TMEM131: variants seen among roughly 807,000 people sequenced by gnomAD.
TMEM131 encodes transmembrane protein 131.
In TMEM131, 66 loss-of-function variants were observed where a neutral mutation model predicts 211.6. The ratio of observed to expected loss-of-function variants is 0.31; its 90% CI spans 0.26 to 0.38. TMEM131 has a LOEUF of 0.38. TMEM131 is among the 10% of genes least tolerant of loss of function. TMEM131 has a pLI of 1.00. For missense variants in TMEM131, 2,036 were observed against 2,299.3 expected (o/e 0.89, Z 2.34); for synonymous variants, 844 against 841.3 (o/e 1.00, Z -0.06).
chr2:97,759,956 C>T (rs1678733571), intron 38 of TMEM131: 1 of 539,578 alleles, frequency 1.9e-6, no homozygotes, highest in East Asian at 3.0e-5. Flanking sequence ...GATGCCCTAT[C>T]ACTAGCTCAC....
At chr2:97,974,856 G>A (rs1679461678) in intron 1 of TMEM131, among the ~76,000 whole-genome samples, 1 of 152,048 alleles carries the variant, frequency 6.6e-6, no homozygotes, top group Non-Finnish European at 1.5e-5. Flanking sequence ...AATCCTTCAG[G>A]CAGAAGGAAA....
intron 31 of TMEM131, among the ~76,000 whole-genome samples, chr2:97,779,471 G>A (rs557965138): frequency 1.3e-5 from 2 of 152,194 alleles, no homozygotes; most frequent in Non-Finnish European, 2.9e-5. Flanking sequence ...TAAGGGTCTT[G>A]TCTCTTCCTT....
At chr2:97,780,068 CA>C (rs1478472563) in intron 31 of TMEM131, among the ~76,000 whole-genome samples, 1 of 151,372 alleles carries the variant, frequency 6.6e-6, no homozygotes, top group African/African-American at 2.4e-5. Context: ...CAAAAAAAAA[CA>C]AAAACAAAAA....
At chr2:97,799,058 A>C (rs1191170056) in intron 25 of TMEM131, among the ~76,000 whole-genome samples, 1 of 152,210 alleles carries the variant, frequency 6.6e-6, no homozygotes, top group East Asian at 1.9e-4. Context: ...TGGGGATCTC[A>C]GGGATCCTGT....
intron 1 of TMEM131, among the ~76,000 whole-genome samples, chr2:97,964,931 A>C (rs537607924): frequency 1.1e-3 from 161 of 152,310 alleles, no homozygotes; most frequent in African/African-American, 3.8e-3. Context: ...TGTGGGAAAG[A>C]GAGTTTCTAG....
chr2:97,757,641 T>C (rs1278231331), intron 40 of TMEM131, among the ~76,000 whole-genome samples: 3 of 152,190 alleles, frequency 2.0e-5, no homozygotes, highest in East Asian at 1.9e-4. Context: ...GCTCAAGTGA[T>C]CTTCCCACCT....
intron 1 of TMEM131, among the ~76,000 whole-genome samples, chr2:97,955,586 A>G (rs1223683304): frequency 1.3e-5 from 2 of 152,244 alleles, no homozygotes; most frequent in Non-Finnish European, 2.9e-5. Context: ...AGAATAAGTA[A>G]GTTCAGCAAG....
In TMEM131 at chr2:97,882,215, A is replaced by G. The variant is rs181193409; in HGVS notation, c.359+5837T>C. Among the ~76,000 whole-genome samples, 3 of 152,340 alleles carry G rather than the reference A, an allele frequency of 2.0e-5. No individual in the cohort carries two copies. In the East Asian group the frequency reaches 5.8e-4, roughly 29 times the overall value. On this transcript the variant is annotated intron_variant, in intron 4 of 40. Coordinates refer to ENST00000186436, the MANE Select transcript of TMEM131 (RefSeq NM_015348.2). ...TTGTGATATCAACTTGACTTGAACTAAAGTCCCCAGAACTCCCTTTCTAGT... is the reference window on the plus strand; with the variant it reads ...TTGTGATATCAACTTGACTTGAACTGAAGTCCCCAGAACTCCCTTTCTAGT...
At chr2:97,950,967 G>A (rs1318752388) in intron 1 of TMEM131, among the ~76,000 whole-genome samples, 2 of 152,198 alleles carry the variant, frequency 1.3e-5, no homozygotes, top group Non-Finnish European at 2.9e-5. Context: ...AACAAACCAA[G>A]AGGAACTCAT....
chr2:97,889,570 TAATA>T (rs972410907), intron 3 of TMEM131, among the ~76,000 whole-genome samples: 79 of 148,372 alleles, frequency 5.3e-4, no homozygotes, highest in African/African-American at 1.8e-3. Context: ...TTCCTATATA[TAATA>T]TATATTCCTA....
At chr2:97,941,583 A>T (rs6739528) in intron 1 of TMEM131, among the ~76,000 whole-genome samples, 2,713 of 152,310 alleles carry the variant, frequency 0.018, 41 homozygotes, top group Non-Finnish European at 0.025. Context: ...TATCTGACAA[A>T]GGGCTAATAT....
Position 97,795,041 on chromosome 2 carries a change from A to G in TMEM131, c.3275T>C (p.Val1092Ala). 1 of 1,613,916 alleles carries G rather than the reference A, an allele frequency of 6.2e-7. No homozygotes were observed. Among genetic ancestry groups the G allele is most frequent in the South Asian group, 1.1e-5 (1 of 91,072 alleles). Residue 1092 changes from valine to alanine, a missense_variant, in exon 29 of 41, where the codon GTA becomes GCA. Val to Ala is a moderately conservative substitution (Grantham distance 64, BLOSUM62 0). Transcript: ENST00000186436. The stretch of plus-strand genomic sequence containing the variant: ...AGGAAGGGATGCATTCAATATAAAT[A>G]CAAACTCAGAGCCACTGGTTGTTAT... ...KFITTSGSEF[V>A]FILNASLPYH... is the part of the protein sequence containing the mutation.
At chr2:97,966,273 C>CA (rs1292155283) in intron 1 of TMEM131, among the ~76,000 whole-genome samples, 1 of 151,962 alleles carries the variant, frequency 6.6e-6, no homozygotes. Context: ...GCATTCGACT[C>CA]AGACAAAATC....
At chr2:97,917,194 T>C (rs1676543226) in intron 2 of TMEM131, among the ~76,000 whole-genome samples, 1 of 152,228 alleles carries the variant, frequency 6.6e-6, no homozygotes. Flanking sequence ...ATTTCTCACA[T>C]ACTGTTACGG....
chr2:97,982,296 A>T (rs1679832476), intron 1 of TMEM131, among the ~76,000 whole-genome samples: 1 of 152,100 alleles, frequency 6.6e-6, no homozygotes, highest in Non-Finnish European at 1.5e-5. Context: ...GCATCTTTTC[A>T]TACGTTTATT....
chr2:97,801,977 T>C lies in TMEM131; in HGVS notation c.2652-16A>G. ...CAAGTTAAACCTAAAACAAAAAATGTACACATATTTATTCATAAGCAACAT... is the reference window on the plus strand; with the variant it reads ...CAAGTTAAACCTAAAACAAAAAATGCACACATATTTATTCATAAGCAACAT... On this transcript the variant is annotated splice_polypyrimidine_tract_variant and intron_variant, in intron 24 of 40. Transcript: ENST00000186436. The C allele has an allele frequency of 6.4e-7, 1 of 1,564,600 alleles. No individual in the cohort carries two copies. Among genetic ancestry groups the C allele is most frequent in the Non-Finnish European group, 8.8e-7 (1 of 1,139,516 alleles).
chr2:97,781,361 C>T (rs1347138129), intron 31 of TMEM131, among the ~76,000 whole-genome samples: 1 of 152,214 alleles, frequency 6.6e-6, no homozygotes, highest in African/African-American at 2.4e-5. Context: ...AGTCCAAATG[C>T]TTATCCCATC....
intron 1 of TMEM131, among the ~76,000 whole-genome samples, chr2:97,961,419 A>G (rs11888323): frequency 0.75 from 114,154 of 152,064 alleles, 44,528 homozygotes; most frequent in African/African-American, 0.87. Flanking sequence ...AGAAATTAAA[A>G]AAGATCTAAA....
intron 4 of TMEM131, among the ~76,000 whole-genome samples, chr2:97,884,508 G>A (rs568855098): frequency 6.6e-6 from 1 of 152,298 alleles, no homozygotes; most frequent in African/African-American, 2.4e-5. Flanking sequence ...GTCCAATGCT[G>A]AGAGTGGACT....
Sources: allele counts gnomAD v4.1 joint callset (sites outside exome capture counted in the v4.1 genomes callset), GRCh38; gene constraint gnomAD v4.1.1; transcripts MANE v1.5; gene names NCBI Gene and HGNC (gene_info 2026-07-23, HGNC 2026-07-21).